ZC3H4: variants seen among roughly 807,000 people sequenced by gnomAD.
ZC3H4 encodes the protein zinc finger CCCH-type containing 4.
ZC3H4 carries 13 observed loss-of-function variants against 108.3 expected under a neutral mutation model. The ratio of observed to expected loss-of-function variants is 0.12; its 90% CI spans 0.08 to 0.19. The LOEUF (loss-of-function observed/expected upper bound fraction) is 0.19, where lower values mean the gene tolerates loss of function less well. Among genes scored for constraint, ZC3H4 ranks in the 10% least tolerant of loss-of-function variants. The probability of loss-of-function intolerance (pLI) is 1.00; values close to 1 mark genes in which losing one functional copy is unlikely to be tolerated. For synonymous variants in ZC3H4, 917 were observed against 749.6 expected, an observed-to-expected ratio of 1.22 and a Z score of -3.65; for missense variants, 1,734 against 1,838.8, an observed-to-expected ratio of 0.94 and a Z score of 1.04.
chr19:47,087,276 TCA>T (rs1009071406), intron 5 of ZC3H4, among the ~76,000 whole-genome samples: 3 of 143,166 alleles, frequency 2.1e-5, no homozygotes, highest in Admixed American at 7.3e-5. Flanking sequence ...ACCCCGTCTC[TCA>T]CACACACACA....
intron 2 of ZC3H4, among the ~76,000 whole-genome samples, chr19:47,095,419 G>T (rs557990320): frequency 1.3e-5 from 2 of 152,318 alleles, no homozygotes; most frequent in African/African-American, 4.8e-5. Context: ...GCTGGAGGAG[G>T]GGGGACGGAT....
At chr19:47,096,912 T>G (rs2057830129) in intron 2 of ZC3H4, 1 of 985,402 alleles carries the variant, frequency 1.0e-6, no homozygotes, top group South Asian at 4.7e-5. Flanking sequence ...CCCTCCCTTA[T>G]GTCCAACACC....
intron 11 of ZC3H4, among the ~76,000 whole-genome samples, chr19:47,076,387 A>G (rs776391459): frequency 4.6e-5 from 7 of 152,204 alleles, no homozygotes; most frequent in Non-Finnish European, 8.8e-5. Flanking sequence ...TTCTATTTAT[A>G]TGATTTGCTT....
chr19:47,087,878 AAAAT>A (rs1396839795), intron 5 of ZC3H4, among the ~76,000 whole-genome samples: 3 of 151,936 alleles, frequency 2.0e-5, no homozygotes, highest in Non-Finnish European at 4.4e-5. Context: ...TGTCTCAAAA[AAAAT>A]AAATAAATAG....
Position 47,112,405 on chromosome 19 carries a change from G to A in ZC3H4, c.161+19C>T. The A allele has an allele frequency of 1.6e-6, 2 of 1,233,542 alleles. No individual in the cohort carries two copies. The highest frequency in any genetic ancestry group is 2.0e-6 in the Non-Finnish European group (2 of 987,698). The allele number at this position is 1,233,542 out of a possible 1,614,324, so 76.4% of individuals were successfully genotyped here. A position where few individuals can be genotyped will look rare whatever the true frequency, so the allele number is the denominator to read the frequency against. On this transcript the variant is annotated intron_variant, in intron 2 of 14. Coordinates refer to ENST00000253048, the MANE Select transcript of ZC3H4 (RefSeq NM_015168.2). ...TCCTCCCCCCGGGGACGCAGCCCCG[G>A]CCCAACCGGGGGCCTGACCTGTCGT...
chr19:47,083,180 G>C (rs1269992646), intron 9 of ZC3H4, among the ~76,000 whole-genome samples: 1 of 151,820 alleles, frequency 6.6e-6, no homozygotes, highest in Non-Finnish European at 1.5e-5. Flanking sequence ...AAGTAGCTGG[G>C]AGGCTGAGGA....
intron 11 of ZC3H4, among the ~76,000 whole-genome samples, chr19:47,078,611 T>G (rs972102477): frequency 6.6e-6 from 1 of 151,940 alleles, no homozygotes; most frequent in African/African-American, 2.4e-5. Context: ...CTGGCCAACA[T>G]GGTGAAACCC....
intron 11 of ZC3H4, among the ~76,000 whole-genome samples, chr19:47,077,029 T>A (rs1304142368): frequency 4.6e-5 from 7 of 151,726 alleles, no homozygotes; most frequent in African/African-American, 1.5e-4. Flanking sequence ...TAGCTGGATG[T>A]GGTGGCGGGC....
At chr19:47,111,548 G>A (rs2058039424) in intron 2 of ZC3H4, among the ~76,000 whole-genome samples, 1 of 152,068 alleles carries the variant, frequency 6.6e-6, no homozygotes, top group African/African-American at 2.4e-5. Flanking sequence ...CCTTACCCCC[G>A]CAAAACAAGG....
rs2057354362 is a variant in ZC3H4, at chr19:47,072,779, C to T, written c.1441-66G>A. On this transcript the variant is annotated intron_variant, in intron 11 of 14. Coordinates refer to ENST00000253048, the MANE Select transcript of ZC3H4 (RefSeq NM_015168.2). The surrounding 1 kb of genome is among the most constrained non-coding windows in gnomAD (Gnocchi z 5.6). The stretch of plus-strand genomic sequence containing the variant: ...AGGATGGAAACGGACCTCTCCAGGT[C>T]TGAGAGCTGAAGTTTATGAGGAAAA... 1 of 1,577,620 alleles carries T rather than the reference C, an allele frequency of 6.3e-7. No individual in the cohort carries two copies. The highest frequency in any genetic ancestry group is 1.3e-5 in the African/African-American group (1 of 74,116).
intron 2 of ZC3H4, chr19:47,096,786 G>T (rs1395388283): frequency 7.1e-6 from 7 of 985,090 alleles, no homozygotes; most frequent in Non-Finnish European, 8.4e-6. Context: ...CCATATCTGT[G>T]CCAGGTTGCT....
rs1038358189 is a variant in ZC3H4, at chr19:47,064,900, G to A, written c.*1456C>T. On this transcript the variant is annotated 3_prime_UTR_variant, in exon 15 of 15. Transcript: ENST00000253048. ...GGAGCCTTGTTCACCCCACCCTGAG[G>A]AGGAGGGAAGGGGAATCCCTTGGCA... The A allele has an allele frequency of 2.6e-5, 4 of 152,126 alleles. No individual in the cohort carries two copies. Among genetic ancestry groups the A allele is most frequent in the African/African-American group, 9.7e-5 (4 of 41,410 alleles). 9.4% of individuals were successfully genotyped at this position (152,126 alleles called of 1,614,324 possible).
intron 2 of ZC3H4, chr19:47,110,875 A>C: frequency 1.0e-6 from 1 of 983,566 alleles, no homozygotes; most frequent in Non-Finnish European, 1.2e-6. Context: ...ACAGAAAAAA[A>C]AAATGTTGTA....
rs758053048 is a variant in ZC3H4 at position 47,069,280 on chromosome 19, G to A, written c.2210C>T (p.Pro737Leu). Residue 737 changes from proline to leucine, a missense_variant, in exon 14 of 15, where the codon CCT becomes CTT. This residue lies in a region of ZC3H4 where 540 missense variants were observed against 484.1 expected (regional missense o/e 1.12). Transcript: ENST00000253048. Reference protein sequence around the residue: ...EPGEHLFPEHPLEPDSFSEGG... With the variant: ...EPGEHLFPEHLLEPDSFSEGG... ...CTCAGAGAAGCTGTCGGGCTCCAGAGGGTGCTCAGGGAAGAGGTGCTCCCC... is the reference window on the plus strand; with the variant it reads ...CTCAGAGAAGCTGTCGGGCTCCAGAAGGTGCTCAGGGAAGAGGTGCTCCCC... 4.3e-6 allele frequency: 7 copies of A among 1,613,942 alleles called. No homozygotes were observed. Among genetic ancestry groups the A allele is most frequent in the East Asian group, 4.5e-5 (2 of 44,876 alleles).
At chr19:47,077,879 A>G (rs1437788863) in intron 11 of ZC3H4, among the ~76,000 whole-genome samples, 1 of 151,284 alleles carries the variant, frequency 6.6e-6, no homozygotes, top group African/African-American at 2.4e-5. Context: ...AAAAAAAAAA[A>G]GAAGGTATGG....
chr19:47,104,712 G>C (rs2057947157), intron 2 of ZC3H4, among the ~76,000 whole-genome samples: 1 of 152,238 alleles, frequency 6.6e-6, no homozygotes, highest in Non-Finnish European at 1.5e-5. Context: ...GCCCACCCGT[G>C]TGGCCCACAA....
intron 2 of ZC3H4, chr19:47,096,993 G>A (rs146177878): frequency 1.0e-5 from 10 of 985,260 alleles, no homozygotes; most frequent in Non-Finnish European, 1.1e-5. Context: ...GCCACTCGCT[G>A]GCTCGGACGA....
intron 14 of ZC3H4, 36 bp downstream of exon 14, chr19:47,069,056 G>A: frequency 1.2e-6 from 2 of 1,600,904 alleles, no homozygotes; most frequent in Non-Finnish European, 1.7e-6. Flanking sequence ...ACAGCGGCCT[G>A]GGGCCTGTGC....
chr19:47,067,264 G>A lies in ZC3H4; in HGVS notation c.3004C>T (p.Leu1002=). The A allele has an allele frequency of 1.3e-6, 2 of 1,591,618 alleles. No homozygotes were observed. Among genetic ancestry groups the A allele is most frequent in the Non-Finnish European group, 1.7e-6 (2 of 1,168,822 alleles). ...GGGTCCAGGGTGGGCATGGATTGCA[G>A]GGCCGCGGGCACGGGGGGCACTGCG... ...QDAVPPVPAA[L]QSMPTLDPRL... is the part of the protein sequence containing the mutation. Residue 1002 remains leucine, a synonymous_variant, in exon 15 of 15, where the codon CTG becomes TTG. Transcript: ENST00000253048. The surrounding 1 kb of genome is among the most constrained non-coding windows in gnomAD (Gnocchi z 6.4).
Sources: allele counts gnomAD v4.1 joint callset (sites outside exome capture counted in the v4.1 genomes callset), GRCh38; gene constraint gnomAD v4.1.1; regional missense constraint gnomAD v4.1.1; non-coding constraint Gnocchi (gnomAD v3.1); transcripts MANE v1.5; gene names NCBI Gene and HGNC (gene_info 2026-07-23, HGNC 2026-07-21).